Variants in CD59 observed in about 807,000 individuals in gnomAD.
CD59 encodes CD59 molecule (CD59 blood group), also known as CD59 glycoprotein.
Under a neutral mutation model 7.0 loss-of-function variants are expected in CD59, and 3 were observed. That is an observed-to-expected ratio of 0.43 (90% CI 0.19 to 1.10). CD59 has a LOEUF of 1.10. Ranked by LOEUF, CD59 falls within the 50% of genes least tolerant of loss-of-function variation. CD59 has a pLI of 0.29. For missense variants in CD59, 143 were observed against 151.0 expected, an observed-to-expected ratio of 0.95 and a Z score of 0.28; for synonymous variants, 60 against 62.0, an observed-to-expected ratio of 0.97 and a Z score of 0.15.
At chr11:33,723,360 T>G (rs910472519) in intron 1 of CD59, among the ~76,000 whole-genome samples, 4 of 152,148 alleles carry the variant, frequency 2.6e-5, no homozygotes, top group African/African-American at 9.7e-5. Context: ...GAACTGACAA[T>G]CCTGACAATC....
chr11:33,735,784 C>A (rs944555464), intron 1 of CD59, among the ~76,000 whole-genome samples: 8 of 152,060 alleles, frequency 5.3e-5, no homozygotes, highest in Non-Finnish European at 8.8e-5. Flanking sequence ...GGCATGGTGG[C>A]GCATGCCTGT....
Position 33,704,939 on chromosome 11 carries a change from T to C in CD59, c.*5187A>G, listed in dbSNP as rs1401054336. ...AATTAACCATTGTGTTGGTCTGGAC[T>C]TGGGGGTGCAGGCATTCCCATCTCC... On this transcript the variant is annotated 3_prime_UTR_variant, in exon 4 of 4. Coordinates refer to ENST00000642928, the MANE Select transcript of CD59 (RefSeq NM_000611.6). 1 of 152,540 alleles carries C rather than the reference T, an allele frequency of 6.6e-6. No homozygotes were observed. The highest frequency in any genetic ancestry group is 1.5e-5 in the Non-Finnish European group (1 of 68,050). The allele number at this position is 152,540 out of a possible 1,614,324, so 9.4% of individuals were successfully genotyped here. A position where few individuals can be genotyped will look rare whatever the true frequency, so the allele number is the denominator to read the frequency against.
intron 1 of CD59, among the ~76,000 whole-genome samples, chr11:33,734,118 G>T (rs1204253283): frequency 6.6e-6 from 1 of 152,204 alleles, no homozygotes; most frequent in Admixed American, 6.5e-5. Flanking sequence ...CCAGGTCTGC[G>T]TGTCACCTTG....
rs780607152 is a variant in CD59 at position 33,706,446 on chromosome 11, A to G, written c.*3680T>C. 9.2e-5 allele frequency: 14 copies of G among 152,216 alleles called. No homozygotes were observed. Among genetic ancestry groups the G allele is most frequent in the African/African-American group, 3.4e-4 (14 of 41,514 alleles). 9.4% of individuals were successfully genotyped at this position (152,216 alleles called of 1,614,324 possible). A position where few individuals can be genotyped will look rare whatever the true frequency, so the allele number is the denominator to read the frequency against. ...ACAGCCTTAACAACCTTGTAAATCCATAACTAGCATCTTCCTATCTGGCAG... is the reference window on the plus strand; with the variant it reads ...ACAGCCTTAACAACCTTGTAAATCCGTAACTAGCATCTTCCTATCTGGCAG... On this transcript the variant is annotated 3_prime_UTR_variant, in exon 4 of 4. Coordinates refer to ENST00000642928, the MANE Select transcript of CD59 (RefSeq NM_000611.6).
chr11:33,710,495 A>C (rs1056152642), intron 3 of CD59, 152 bp from the exon 4 acceptor site: 37 of 696,130 alleles, frequency 5.3e-5, no homozygotes, highest in Non-Finnish European at 9.5e-5. Flanking sequence ...GAGAACAATT[A>C]AGTAAATAAT....
At position 33,722,416 on chromosome 11, in the gene CD59, G is replaced by C; in HGVS notation, c.30C>G (p.Phe10Leu). ...AGACAGCCAGGACGAGCAGCAGCCCGAACAGGACAGACCCTCCTTGGATTC... is the reference window on the plus strand; with the variant it reads ...AGACAGCCAGGACGAGCAGCAGCCCCAACAGGACAGACCCTCCTTGGATTC... MGIQGGSVL[F>L]GLLLVLAVFC... Residue 10 changes from phenylalanine to leucine, a missense_variant, in exon 2 of 4, where the codon TTC becomes TTG. Transcript: ENST00000642928. 1 of 1,614,052 alleles carries C rather than the reference G, an allele frequency of 6.2e-7. No homozygotes were observed. The highest frequency in any genetic ancestry group is 8.5e-7 in the Non-Finnish European group (1 of 1,179,930).
In CD59 at chr11:33,709,890, T is replaced by G. The variant is rs1400735310; in HGVS notation, c.*236A>C. On this transcript the variant is annotated 3_prime_UTR_variant, in exon 4 of 4. Coordinates refer to ENST00000642928, the MANE Select transcript of CD59 (RefSeq NM_000611.6). ...GCAAAGGAGGAAGCATGCAATCTAG[T>G]TCAAGTCACACCTACTTCACTCTTA... is the stretch of plus-strand genomic sequence containing the variant. 1 of 601,580 alleles carries G rather than the reference T, an allele frequency of 1.7e-6. No individual in the cohort carries two copies. Among genetic ancestry groups the G allele is most frequent in the Non-Finnish European group, 2.9e-6 (1 of 339,394 alleles). 37.3% of individuals were successfully genotyped at this position (601,580 alleles called of 1,614,324 possible). A position where few individuals can be genotyped will look rare whatever the true frequency, so the allele number is the denominator to read the frequency against.
In CD59 at chr11:33,705,952, G is replaced by C. The variant is rs1335576199; in HGVS notation, c.*4174C>G. The C allele has an allele frequency of 2.0e-5, 3 of 152,180 alleles. No individual in the cohort carries two copies. The highest frequency in any genetic ancestry group is 4.4e-5 in the Non-Finnish European group (3 of 68,012). 9.4% of individuals were successfully genotyped at this position (152,180 alleles called of 1,614,324 possible). A position where few individuals can be genotyped will look rare whatever the true frequency, so the allele number is the denominator to read the frequency against. On this transcript the variant is annotated 3_prime_UTR_variant, in exon 4 of 4. Coordinates refer to ENST00000642928, the MANE Select transcript of CD59 (RefSeq NM_000611.6). ...CAGCACCAGCACTGATCATATATAGGATCAGCCTACTGGGGTTGGCCACGT... is the reference window on the plus strand; with the variant it reads ...CAGCACCAGCACTGATCATATATAGCATCAGCCTACTGGGGTTGGCCACGT...
At chr11:33,723,243 A>T (rs1198678976) in intron 1 of CD59, among the ~76,000 whole-genome samples, 1 of 152,082 alleles carries the variant, frequency 6.6e-6, no homozygotes, top group Non-Finnish European at 1.5e-5. Flanking sequence ...AAACCAGGGT[A>T]CTCCATATTC....
chr11:33,721,259 A>G (rs908923680), intron 2 of CD59, among the ~76,000 whole-genome samples: 3 of 152,210 alleles, frequency 2.0e-5, no homozygotes, highest in Non-Finnish European at 4.4e-5. Context: ...AGAACATATT[A>G]AAGTGTGTCC....
chr11:33,714,768 T>C (rs887460348), intron 3 of CD59, among the ~76,000 whole-genome samples: 4 of 152,088 alleles, frequency 2.6e-5, no homozygotes, highest in Admixed American at 2.0e-4. Flanking sequence ...AGCACACACA[T>C]TAGCCTAGTC....
chr11:33,708,560 T>G lies in CD59; in HGVS notation c.*1566A>C, dbSNP rs1051409002. On this transcript the variant is annotated 3_prime_UTR_variant, in exon 4 of 4. Transcript: ENST00000642928. ...ACTCACATGAAATGAGCTTCTTTGC[T>G]CAGCCGGTGGCTGTGGGCATGGTCA... The G allele has an allele frequency of 4.9e-5, 7 of 143,786 alleles. No homozygotes were observed. The highest frequency in any genetic ancestry group is 7.5e-5 in the Non-Finnish European group (5 of 67,012). The allele number at this position is 143,786 out of a possible 1,614,324, so 8.9% of individuals were successfully genotyped here.
At chr11:33,729,692 T>C (rs1174016679) in intron 1 of CD59, among the ~76,000 whole-genome samples, 1 of 146,966 alleles carries the variant, frequency 6.8e-6, no homozygotes, top group African/African-American at 2.6e-5. Context: ...AAACCCCGTA[T>C]CTCCGAGAAA....
intron 2 of CD59, among the ~76,000 whole-genome samples, chr11:33,720,214 C>T (rs915270749): frequency 7.2e-5 from 11 of 152,216 alleles, no homozygotes; most frequent in African/African-American, 2.7e-4. Flanking sequence ...TCATCCCCAC[C>T]TTGCAAGAGA....
chr11:33,726,595 C>T (rs1358463856), intron 1 of CD59, among the ~76,000 whole-genome samples: 1 of 152,106 alleles, frequency 6.6e-6, no homozygotes, highest in African/African-American at 2.4e-5. Context: ...AAAATTGACA[C>T]CCTAACATCA....
chr11:33,719,127 C>T (rs1853934282), intron 2 of CD59: 1 of 152,128 alleles, frequency 6.6e-6, no homozygotes, highest in Admixed American at 6.5e-5. Flanking sequence ...AGGTTTATCA[C>T]CATGGAAATA....
At chr11:33,731,961 G>T (rs941849193) in intron 1 of CD59, among the ~76,000 whole-genome samples, 1 of 151,492 alleles carries the variant, frequency 6.6e-6, no homozygotes, top group East Asian at 2.0e-4. Context: ...CACTGGGGAC[G>T]GTTTCCCCCA....
In CD59 at chr11:33,723,787, AG is replaced by A. The variant is rs567471470; in HGVS notation, c.-18-1325del. Among the ~76,000 whole-genome samples the A allele has an allele frequency of 2.9e-4, 44 of 152,246 alleles. 1 individual carries two copies. In the East Asian group the frequency reaches 8.3e-3, roughly 29 times the overall value. ...GGTGATTTATAGACTCAGGTTAGAC[AG>A]GGCTCCAGTATACAAGGAACTGCTA... On this transcript the variant is annotated intron_variant, in intron 1 of 3. Coordinates refer to ENST00000642928, the MANE Select transcript of CD59 (RefSeq NM_000611.6).
intron 1 of CD59, among the ~76,000 whole-genome samples, chr11:33,725,478 T>C (rs1169672421): frequency 6.6e-6 from 1 of 152,170 alleles, no homozygotes; most frequent in Non-Finnish European, 1.5e-5. Context: ...ACGACTGTTC[T>C]AATAATACTG....
Sources: gnomAD v4.1 joint callset for allele counts (sites outside exome capture counted in the v4.1 genomes callset) on GRCh38, gnomAD v4.1.1 for gene constraint, MANE v1.5 for transcripts, NCBI Gene and HGNC (gene_info 2026-07-23, HGNC 2026-07-21) for gene names.